SYNDIG1: variants seen among roughly 807,000 people sequenced by gnomAD.
The protein encoded by SYNDIG1 is synapse differentiation-inducing gene protein 1.
A neutral mutation model predicts 19.4 loss-of-function variants in SYNDIG1; 9 were observed. That is an observed-to-expected ratio of 0.46 (90% confidence interval 0.28 to 0.81). The LOEUF is 0.81. SYNDIG1 is among the 30% of genes least tolerant of loss of function. The pLI is 0.12. For synonymous variants in SYNDIG1, 141 were observed against 145.9 expected, an observed-to-expected ratio of 0.97 and a Z score of 0.24; for missense variants, 311 against 343.3, an observed-to-expected ratio of 0.91 and a Z score of 0.74.
intron 1 of SYNDIG1, among the ~76,000 whole-genome samples, chr20:24,488,326 C>T (rs2056028853): frequency 6.6e-6 from 1 of 152,250 alleles, no homozygotes; most frequent in Admixed American, 6.5e-5. Flanking sequence ...GACGTGAGAG[C>T]CAAACAGACG....
chr20:24,496,927 A>G (rs567401383), intron 1 of SYNDIG1, among the ~76,000 whole-genome samples: 1 of 152,270 alleles, frequency 6.6e-6, no homozygotes, highest in South Asian at 2.1e-4. Flanking sequence ...TTCCCCCTCA[A>G]AATCCTCCTG....
chr20:24,476,183 GT>G (rs938136848), intron 1 of SYNDIG1, among the ~76,000 whole-genome samples: 1 of 151,814 alleles, frequency 6.6e-6, no homozygotes, highest in Admixed American at 6.6e-5. Context: ...TATCTTAACA[GT>G]TTTTTTTCTT....
intron 1 of SYNDIG1, among the ~76,000 whole-genome samples, chr20:24,530,804 G>GT (rs199615273): frequency 0.036 from 5,411 of 149,038 alleles, 324 homozygotes; most frequent in African/African-American, 0.13. Context: ...TGTTTTTTGG[G>GT]TTTTTTGTTT....
intron 3 of SYNDIG1, among the ~76,000 whole-genome samples, chr20:24,664,231 A>G (rs1332373394): frequency 6.6e-6 from 1 of 152,188 alleles, no homozygotes; most frequent in Admixed American, 6.5e-5. Context: ...GTCATGAGCC[A>G]TCTCTGAGTG....
chr20:24,536,256 C>T (rs1051782925), intron 1 of SYNDIG1, among the ~76,000 whole-genome samples: 8 of 152,132 alleles, frequency 5.3e-5, no homozygotes, highest in South Asian at 4.1e-4. Flanking sequence ...AGTGTGGCCA[C>T]GGGTGAAATT....
chr20:24,664,034 C>T (rs1339165669), intron 3 of SYNDIG1, among the ~76,000 whole-genome samples: 1 of 152,106 alleles, frequency 6.6e-6, no homozygotes, highest in Non-Finnish European at 1.5e-5. Context: ...CTGCTCCCTC[C>T]AGAATTGTCC....
At chr20:24,554,177 GT>G (rs1308307617) in intron 2 of SYNDIG1, among the ~76,000 whole-genome samples, 2 of 152,174 alleles carry the variant, frequency 1.3e-5, no homozygotes, top group Admixed American at 1.3e-4. Flanking sequence ...CTTTGCTGAA[GT>G]TGCTTATCAG....
chr20:24,521,251 A>C (rs73101391), intron 1 of SYNDIG1, among the ~76,000 whole-genome samples: 5,886 of 152,172 alleles, frequency 0.039, 160 homozygotes, highest in Non-Finnish European at 0.063. Context: ...CCTTCTGACT[A>C]CTTCTGCATC....
At chr20:24,616,966 G>A (rs1317286167) in intron 3 of SYNDIG1, among the ~76,000 whole-genome samples, 1 of 152,142 alleles carries the variant, frequency 6.6e-6, no homozygotes, top group African/African-American at 2.4e-5. Context: ...GACCTTCAGG[G>A]TGTGGGCCAA....
At chr20:24,581,599 G>A (rs1431469682) in intron 2 of SYNDIG1, among the ~76,000 whole-genome samples, 4 of 152,068 alleles carry the variant, frequency 2.6e-5, no homozygotes, top group Non-Finnish European at 5.9e-5. Flanking sequence ...GAAGCCACAT[G>A]TTTTCAGTGA....
At chr20:24,511,276 C>A (rs1485260066) in intron 1 of SYNDIG1, among the ~76,000 whole-genome samples, 1 of 152,174 alleles carries the variant, frequency 6.6e-6, no homozygotes, top group Non-Finnish European at 1.5e-5. Context: ...GTACCAGGTA[C>A]CCCTCGGAAT....
chr20:24,604,929 C>T (rs1453519646), intron 3 of SYNDIG1, among the ~76,000 whole-genome samples: 1 of 152,102 alleles, frequency 6.6e-6, no homozygotes, highest in Non-Finnish European at 1.5e-5. Flanking sequence ...TTTTAACGTC[C>T]TCAGATTTAT....
At chr20:24,663,639 G>C (rs185894973) in intron 3 of SYNDIG1, among the ~76,000 whole-genome samples, 292 of 152,308 alleles carry the variant, frequency 1.9e-3, no homozygotes, top group Non-Finnish European at 3.4e-3. Context: ...CAACTATTCC[G>C]CAAGTGGGTA....
chr20:24,652,141 G>T (rs1411596365), intron 3 of SYNDIG1, among the ~76,000 whole-genome samples: 1 of 152,204 alleles, frequency 6.6e-6, no homozygotes, highest in Non-Finnish European at 1.5e-5. Flanking sequence ...CCCACAGAGG[G>T]GTCATCTTTG....
At position 24,550,270 on chromosome 20, in the gene SYNDIG1, G is replaced by T. The variant is rs1338093804; in HGVS notation, c.480+6693G>T. On this transcript the variant is annotated intron_variant, in intron 2 of 3. Transcript: ENST00000376862. Reference sequence around the variant, plus strand: ...AGGTTAATCCCATATCTTGGATATTGCGAATAGCACTGCAACAAACGCATG... The same window carrying T: ...AGGTTAATCCCATATCTTGGATATTTCGAATAGCACTGCAACAAACGCATG... Among the ~76,000 whole-genome samples, 5 of 152,264 alleles carry T rather than the reference G, an allele frequency of 3.3e-5. No homozygotes were observed. In the East Asian group the frequency reaches 9.7e-4, roughly 29 times the overall value.
intron 2 of SYNDIG1, among the ~76,000 whole-genome samples, chr20:24,555,726 T>C (rs6114772): frequency 6.6e-6 from 1 of 152,116 alleles, no homozygotes; most frequent in East Asian, 1.9e-4. Context: ...TACTTCCAAG[T>C]ATGTGGTCAA....
At chr20:24,615,563 C>T (rs143215612) in intron 3 of SYNDIG1, among the ~76,000 whole-genome samples, 4,049 of 152,272 alleles carry the variant, frequency 0.027, 78 homozygotes, top group African/African-American at 0.043. Flanking sequence ...CCCATGGACC[C>T]GGGGCCAGGC....
intron 3 of SYNDIG1, among the ~76,000 whole-genome samples, chr20:24,587,142 T>C (rs1354373910): frequency 6.6e-6 from 1 of 152,198 alleles, no homozygotes; most frequent in African/African-American, 2.4e-5. Flanking sequence ...TCTGACCACA[T>C]TTTTTGGAGG....
intron 1 of SYNDIG1, among the ~76,000 whole-genome samples, chr20:24,533,880 A>G (rs1005658364): frequency 2.0e-5 from 3 of 152,200 alleles, no homozygotes; most frequent in Admixed American, 2.0e-4. Flanking sequence ...TTGCATGGCT[A>G]TAAAGGTATT....
Sources: allele counts gnomAD v4.1 joint callset (sites outside exome capture counted in the v4.1 genomes callset), GRCh38; gene constraint gnomAD v4.1.1; transcripts MANE v1.5; gene names NCBI Gene and HGNC (gene_info 2026-07-23, HGNC 2026-07-21).